MTUS2: variants seen among roughly 807,000 people sequenced by gnomAD.
MTUS2 encodes microtubule-associated tumor suppressor candidate 2.
In MTUS2, 40 loss-of-function variants were observed where a neutral mutation model predicts 114.1. That is an observed-to-expected ratio of 0.35 (90% CI 0.27 to 0.46). MTUS2 has a LOEUF of 0.46. Ranked by LOEUF, MTUS2 falls within the 20% of genes least tolerant of loss-of-function variation. MTUS2 has a pLI of 1.00. For synonymous variants in MTUS2, 688 were observed against 672.0 expected (o/e 1.02, Z -0.37); for missense variants, 1,679 against 1,705.4 (o/e 0.98, Z 0.27).
At chr13:29,027,340 C>T (rs548610711) in intron 3 of MTUS2, among the ~76,000 whole-genome samples, 8 of 152,236 alleles carry the variant, frequency 5.3e-5, no homozygotes, top group Middle Eastern at 3.4e-3. Flanking sequence ...TATTCGCATG[C>T]GTGAAGAACA....
intron 5 of MTUS2, among the ~76,000 whole-genome samples, chr13:29,182,604 G>C (rs1894053455): frequency 6.6e-6 from 1 of 152,154 alleles, no homozygotes; most frequent in Admixed American, 6.5e-5. Flanking sequence ...GGATACATCA[G>C]AGAGAAGAGA....
chr13:29,119,150 C>T (rs1412075809), intron 5 of MTUS2, among the ~76,000 whole-genome samples: 1 of 152,068 alleles, frequency 6.6e-6, no homozygotes, highest in Non-Finnish European at 1.5e-5. Context: ...ACACATATTG[C>T]ATTTTTCTCA....
rs549523366 is a variant in MTUS2 at position 29,025,779 on chromosome 13, G to C, written c.1081G>C (p.Gly361Arg). The C allele has an allele frequency of 1.2e-6, 2 of 1,614,034 alleles. No homozygotes were observed. The highest frequency in any genetic ancestry group is 2.2e-5 in the South Asian group (2 of 91,082). The change falls in exon 3 of 16, where the codon GGC (glycine) becomes CGC (arginine). Residue 361 changes from glycine (G) to arginine (R), a missense_variant. Around this residue, in one of 3 missense-constraint regions of MTUS2, gnomAD observed 843 missense variants for 770.8 expected, o/e 1.09. Coordinates refer to ENST00000612955, the MANE Select transcript of MTUS2 (RefSeq NM_001033602.4). Reference protein sequence around the residue: ...EAHPEATDALGHLLNSDLHHL... With the variant: ...EAHPEATDALRHLLNSDLHHL... ...ACACCCGGAAGCCACCGATGCACTT[G>C]GCCATCTGCTGAACAGTGACCTCCA... is the stretch of plus-strand genomic sequence containing the variant.
Position 29,247,733 on chromosome 13 carries a change from C to CA in MTUS2, c.2645-33965dup, listed in dbSNP as rs1227815479. On this transcript the variant is annotated intron_variant, in intron 5 of 15. Transcript: ENST00000612955. The stretch of plus-strand genomic sequence containing the variant: ...ATACTCCTGCAAGAATGCCCGTAAT[C>CA]AAAAAATCAAAAAATAATAGATGTT... Among the ~76,000 whole-genome samples the CA allele has an allele frequency of 3.9e-5, 6 of 151,976 alleles. No homozygotes were observed. In the East Asian group the frequency reaches 1.2e-3, roughly 29 times the overall value.
At chr13:29,355,256 T>C (rs1869642821) in intron 7 of MTUS2, among the ~76,000 whole-genome samples, 1 of 152,240 alleles carries the variant, frequency 6.6e-6, no homozygotes, top group South Asian at 2.1e-4. Flanking sequence ...ACTGTTTGCA[T>C]CCACCTTTGT....
At chr13:29,206,043 C>G (rs919333081) in intron 5 of MTUS2, among the ~76,000 whole-genome samples, 2 of 152,134 alleles carry the variant, frequency 1.3e-5, no homozygotes, top group Non-Finnish European at 2.9e-5. Context: ...TACAAGTGTT[C>G]CCTTTTCACC....
At chr13:29,101,185 C>T (rs2138823027) in intron 5 of MTUS2, among the ~76,000 whole-genome samples, 1 of 152,138 alleles carries the variant, frequency 6.6e-6, no homozygotes, top group East Asian at 1.9e-4. Flanking sequence ...ATTGTAACCA[C>T]CTCTTAGGAT....
At chr13:29,163,475 A>G (rs963640564) in intron 5 of MTUS2, among the ~76,000 whole-genome samples, 13 of 152,290 alleles carry the variant, frequency 8.5e-5, no homozygotes, top group African/African-American at 3.1e-4. Context: ...GTAGGAACAC[A>G]CATTTTTTTC....
chr13:28,862,218 T>A (rs1181692378), intron 2 of MTUS2, among the ~76,000 whole-genome samples: 1 of 152,224 alleles, frequency 6.6e-6, no homozygotes, highest in Admixed American at 6.5e-5. Context: ...GAAACATTTA[T>A]GTAGGCTGAT....
chr13:29,265,607 A>C (rs1412210435), intron 5 of MTUS2, among the ~76,000 whole-genome samples: 1 of 152,180 alleles, frequency 6.6e-6, no homozygotes, highest in Non-Finnish European at 1.5e-5. Context: ...ATGGTTCTGC[A>C]GGCTTTACAG....
chr13:28,911,855 T>G (rs1404194936), intron 2 of MTUS2, among the ~76,000 whole-genome samples: 1 of 151,376 alleles, frequency 6.6e-6, no homozygotes, highest in Non-Finnish European at 1.5e-5. Flanking sequence ...GTTTTTTTTT[T>G]TTTTTTTTGT....
intron 8 of MTUS2, among the ~76,000 whole-genome samples, chr13:29,394,366 G>A (rs1287951844): frequency 6.6e-6 from 1 of 152,092 alleles, no homozygotes; most frequent in Admixed American, 6.5e-5. Flanking sequence ...AGAGGGGAGG[G>A]GAGGCTTCCA....
In MTUS2 at chr13:29,163,571, G is replaced by T. The variant is rs182342476; in HGVS notation, c.2644+62601G>T. Among the ~76,000 whole-genome samples, 158 of 152,202 alleles carry T rather than the reference G, an allele frequency of 1.0e-3. 1 individual carries two copies. The highest frequency in any genetic ancestry group is 1.5e-3 in the Non-Finnish European group (103 of 68,002). ...GCATGTATGTGTTGAGTGTTCACTT[G>T]TCCATTCTAGGGGTTGGCTCTGGAA... is the stretch of plus-strand genomic sequence containing the variant. On this transcript the variant is annotated intron_variant, in intron 5 of 15. Transcript: ENST00000612955.
chr13:29,228,962 G>A (rs948222461), intron 5 of MTUS2, among the ~76,000 whole-genome samples: 1 of 152,016 alleles, frequency 6.6e-6, no homozygotes, highest in Non-Finnish European at 1.5e-5. Context: ...AATATCCTTA[G>A]GACAAAGATC....
intron 2 of MTUS2, among the ~76,000 whole-genome samples, chr13:28,877,691 A>G (rs1449360552): frequency 2.6e-5 from 4 of 151,878 alleles, no homozygotes; most frequent in Non-Finnish European, 5.9e-5. Flanking sequence ...AAATGAATCC[A>G]TAAGAAGATA....
In MTUS2 at chr13:29,200,521, G is replaced by GTTTTTTTTTTT. The variant is rs56965083; in HGVS notation, c.2645-81177_2645-81167dup. Among the ~76,000 whole-genome samples the GTTTTTTTTTTT allele has an allele frequency of 2.1e-3, 179 of 85,406 alleles. 13 individuals carry two copies. Among genetic ancestry groups the GTTTTTTTTTTT allele is most frequent in the Non-Finnish European group, 2.4e-3 (115 of 47,694 alleles). The allele number at this position is 85,406 out of a possible 152,430, so 56.0% of individuals were successfully genotyped here. On this transcript the variant is annotated intron_variant, in intron 5 of 15. Coordinates refer to ENST00000612955, the MANE Select transcript of MTUS2 (RefSeq NM_001033602.4). ...TGGTTTTGAGTGAGTTTCTTTTTCT[G>GTTTTTTTTTTT]TTTTTTTTTTTTTTTTGAGATGGAG...
chr13:29,132,808 G>A (rs907587645), intron 5 of MTUS2, among the ~76,000 whole-genome samples: 18 of 152,152 alleles, frequency 1.2e-4, no homozygotes, highest in Admixed American at 6.5e-5. Flanking sequence ...ATACCACTGT[G>A]AACCTGGGGG....
intron 5 of MTUS2, among the ~76,000 whole-genome samples, chr13:29,276,630 G>T (rs1002958353): frequency 7.9e-5 from 12 of 152,178 alleles, no homozygotes; most frequent in Admixed American, 5.9e-4. Context: ...GGGCACGGTG[G>T]CTCATGCCTG....
At chr13:28,925,678 G>A (rs951753168) in intron 2 of MTUS2, among the ~76,000 whole-genome samples, 3 of 152,132 alleles carry the variant, frequency 2.0e-5, no homozygotes, top group South Asian at 2.1e-4. Flanking sequence ...ACTTTGGGCC[G>A]TGGGCAAGTT....
Sources: allele counts gnomAD v4.1 joint callset (sites outside exome capture counted in the v4.1 genomes callset), GRCh38; gene constraint gnomAD v4.1.1; regional missense constraint gnomAD v4.1.1; transcripts MANE v1.5; gene names NCBI Gene and HGNC (gene_info 2026-07-23, HGNC 2026-07-21).